Variants in ATRNL1 observed in about 807,000 individuals in gnomAD.
ATRNL1 encodes the protein attractin like 1, also known as attractin-like protein 1.
In ATRNL1, 95 loss-of-function variants were observed where a neutral mutation model predicts 182.7. The ratio of observed to expected loss-of-function variants is 0.52; its 90% confidence interval spans 0.44 to 0.62. The LOEUF (loss-of-function observed/expected upper bound fraction) is 0.62. Ranked by LOEUF, ATRNL1 falls within the 20% of genes least tolerant of loss-of-function variation. The pLI, the probability that ATRNL1 is intolerant of heterozygous loss-of-function variation, is 0.00. For missense variants in ATRNL1, 1,471 were observed against 1,679.5 expected (o/e 0.88, Z 2.17); for synonymous variants, 576 against 568.3 (o/e 1.01, Z -0.19).
chr10:115,158,139 T>G (rs993835682), intron 5 of ATRNL1, among the ~76,000 whole-genome samples: 1 of 152,116 alleles, frequency 6.6e-6, no homozygotes, highest in Non-Finnish European at 1.5e-5. Context: ...CTATTTTCTT[T>G]GGTATAACTG....
rs1554862046 is a variant in ATRNL1 at position 115,093,501 on chromosome 10, G to A, written c.-250G>A. On this transcript the variant is annotated 5_prime_UTR_variant, in exon 1 of 29. The change creates a new upstream start codon in the 5' untranslated region. Coordinates refer to ENST00000355044, the MANE Select transcript of ATRNL1 (RefSeq NM_207303.4). The surrounding 1 kb of genome is among the most constrained non-coding windows in gnomAD (Gnocchi z 6.1). ...CGGCCGGGTCCGGGACGCCGCGGCT[G>A]TGGGGTCGGCCCGCTAAGGACAAGG... 3 of 647,632 alleles carry A rather than the reference G, an allele frequency of 4.6e-6. No individual in the cohort carries two copies. The highest frequency in any genetic ancestry group is 8.4e-6 in the Non-Finnish European group (3 of 356,258). The allele number at this position is 647,632 out of a possible 1,614,324, so 40.1% of individuals were successfully genotyped here. A position where few individuals can be genotyped will look rare whatever the true frequency, so the allele number is the denominator to read the frequency against.
At chr10:115,476,023 A>G (rs1441072082) in intron 24 of ATRNL1, among the ~76,000 whole-genome samples, 3 of 151,326 alleles carry the variant, frequency 2.0e-5, no homozygotes, top group Non-Finnish European at 4.4e-5. Context: ...CGTTGATTTT[A>G]GAACTTTTCT....
At chr10:115,903,839 A>C (rs1252679675) in intron 28 of ATRNL1, among the ~76,000 whole-genome samples, 1 of 152,126 alleles carries the variant, frequency 6.6e-6, no homozygotes, top group South Asian at 2.1e-4. Context: ...TGGCAAGGAG[A>C]TCCCATAAGC....
intron 27 of ATRNL1, among the ~76,000 whole-genome samples, chr10:115,776,686 C>T (rs1555078032): frequency 6.6e-6 from 1 of 151,978 alleles, no homozygotes; most frequent in African/African-American, 2.4e-5. Flanking sequence ...TGCTGACAGC[C>T]CTTGATGAGC....
chr10:115,216,684 C>CT (rs552066498), intron 9 of ATRNL1, among the ~76,000 whole-genome samples: 1 of 151,448 alleles, frequency 6.6e-6, no homozygotes. Flanking sequence ...TGGGAAATGA[C>CT]TTTTTTTTCT....
At chr10:115,743,974 T>C (rs1948217272) in intron 27 of ATRNL1, among the ~76,000 whole-genome samples, 2 of 139,514 alleles carry the variant, frequency 1.4e-5, no homozygotes, top group African/African-American at 5.2e-5. Context: ...TAGGAGTAAA[T>C]ATAAATGAAT....
chr10:115,822,998 A>G (rs1459700735), intron 27 of ATRNL1, among the ~76,000 whole-genome samples: 1 of 152,198 alleles, frequency 6.6e-6, no homozygotes, highest in African/African-American at 2.4e-5. Context: ...TTTCAGTCTA[A>G]TATCCCTGAT....
chr10:115,178,847 A>C (rs781910496), intron 8 of ATRNL1, among the ~76,000 whole-genome samples: 2 of 152,144 alleles, frequency 1.3e-5, no homozygotes, highest in Non-Finnish European at 2.9e-5. Flanking sequence ...TGAAATTCCT[A>C]GTTTCCAGAA....
intron 26 of ATRNL1, among the ~76,000 whole-genome samples, chr10:115,629,456 G>A (rs1858339364): frequency 6.6e-6 from 1 of 152,140 alleles, no homozygotes; most frequent in Non-Finnish European, 1.5e-5. Flanking sequence ...TCAAGGATAG[G>A]TATGCCTAAG....
intron 27 of ATRNL1, among the ~76,000 whole-genome samples, chr10:115,804,583 T>A (rs1354847504): frequency 1.3e-5 from 2 of 152,180 alleles, no homozygotes; most frequent in Admixed American, 1.3e-4. Context: ...CTTCAGCCTC[T>A]AAAACTGTGA....
chr10:115,741,231 G>A (rs142813060), intron 27 of ATRNL1, among the ~76,000 whole-genome samples: 72 of 152,154 alleles, frequency 4.7e-4, no homozygotes, highest in African/African-American at 1.5e-3. Flanking sequence ...TGAAGAAGAG[G>A]AAAAAGGAAT....
intron 8 of ATRNL1, among the ~76,000 whole-genome samples, chr10:115,214,178 C>T (rs1425794815): frequency 2.6e-5 from 4 of 151,686 alleles, no homozygotes; most frequent in Admixed American, 6.6e-5. Context: ...GTGAAATGTA[C>T]CTCTAGGTAG....
intron 27 of ATRNL1, among the ~76,000 whole-genome samples, chr10:115,812,267 A>C (rs1231041202): frequency 6.6e-6 from 1 of 152,132 alleles, no homozygotes; most frequent in Non-Finnish European, 1.5e-5. Context: ...GACCATTTGC[A>C]TTTAGTGTAA....
chr10:115,270,305 TTATA>T (rs1481472902), intron 13 of ATRNL1, among the ~76,000 whole-genome samples: 1 of 145,190 alleles, frequency 6.9e-6, no homozygotes, highest in African/African-American at 2.5e-5. Flanking sequence ...ATATATTTGT[TTATA>T]TATTATATAT....
At chr10:115,638,313 C>T (rs1280961255) in intron 26 of ATRNL1, among the ~76,000 whole-genome samples, 1 of 152,020 alleles carries the variant, frequency 6.6e-6, no homozygotes, top group Non-Finnish European at 1.5e-5. Context: ...GCTATATAGC[C>T]TAATATACTC....
chr10:115,846,141 T>TA (rs1185128801), intron 27 of ATRNL1, among the ~76,000 whole-genome samples: 1 of 152,084 alleles, frequency 6.6e-6, no homozygotes. Flanking sequence ...TGTAACTTGA[T>TA]ACAAGTATTG....
chr10:115,588,781 G>C (rs1555011183), intron 26 of ATRNL1, among the ~76,000 whole-genome samples: 1 of 152,196 alleles, frequency 6.6e-6, no homozygotes, highest in African/African-American at 2.4e-5. Flanking sequence ...AAGAGGGATT[G>C]ATCAATGTGT....
intron 28 of ATRNL1, among the ~76,000 whole-genome samples, chr10:115,874,041 C>T (rs376010095): frequency 6.6e-6 from 1 of 152,188 alleles, no homozygotes; most frequent in Non-Finnish European, 1.5e-5. Flanking sequence ...CACCACCACT[C>T]TCCCCTCTTT....
chr10:115,548,325 G>T (rs574534027), intron 25 of ATRNL1, among the ~76,000 whole-genome samples: 3 of 152,296 alleles, frequency 2.0e-5, no homozygotes, highest in African/African-American at 7.2e-5. Flanking sequence ...GATATTCTAA[G>T]GTCTTCTGCT....
Sources: allele counts gnomAD v4.1 joint callset (sites outside exome capture counted in the v4.1 genomes callset), GRCh38; gene constraint gnomAD v4.1.1; non-coding constraint Gnocchi (gnomAD v3.1); transcripts MANE v1.5; gene names NCBI Gene and HGNC (gene_info 2026-07-23, HGNC 2026-07-21).